Variants in HECW2 observed in about 807,000 individuals in gnomAD.
The protein encoded by HECW2 is HECT, C2 and WW domain containing E3 ubiquitin protein ligase 2, also known as E3 ubiquitin-protein ligase HECW2.
In HECW2, 61 loss-of-function variants were observed where a neutral mutation model predicts 175.2. That is an observed-to-expected ratio of 0.35 (90% CI 0.28 to 0.43). HECW2 has a LOEUF of 0.43. Ranked by LOEUF, HECW2 falls within the 20% of genes least tolerant of loss-of-function variation. HECW2 has a pLI of 1.00. For missense variants in HECW2, 1,524 were observed against 2,000.5 expected (o/e 0.76, Z 4.54); for synonymous variants, 671 against 731.0 (o/e 0.92, Z 1.32).
At chr2:196,272,976 T>C (rs1689796719) in intron 16 of HECW2, among the ~76,000 whole-genome samples, 1 of 151,960 alleles carries the variant, frequency 6.6e-6, no homozygotes, top group African/African-American at 2.4e-5. Context: ...GGGCATTACA[T>C]TGAATTTCAT....
At position 196,325,120 on chromosome 2, in the gene HECW2, T is replaced by A; in HGVS notation, c.601A>T (p.Met201Leu). The A allele has an allele frequency of 6.2e-7, 1 of 1,603,128 alleles. No individual in the cohort carries two copies. The highest frequency in any genetic ancestry group is 8.5e-7 in the Non-Finnish European group (1 of 1,175,910). ...AGATAAGGGTCAGGATTGAAGAACA[T>A]CCCTTTCTTTAGCCCAACTGCCCTA... ...DLRAVGLKKG[M>L]FFNPDPYLKM... The change falls in exon 6 of 29, where the codon ATG becomes TTG. Residue 201 changes from methionine to leucine, a missense_variant. Coordinates refer to ENST00000644978, the MANE Select transcript of HECW2 (RefSeq NM_001348768.2).
rs12476900 is a variant in HECW2 at position 196,353,956 on chromosome 2, C to T, written c.293-10192G>A. Among the ~76,000 whole-genome samples, 725 of 152,266 alleles carry T rather than the reference C, an allele frequency of 4.8e-3. 20 individuals are homozygous for T. Among genetic ancestry groups the T allele is most frequent in the Admixed American group, 0.042 (640 of 15,288 alleles). ...TTCACTGCTCAGTATAATTCTCCAA[C>T]CTCATCACCCTTCAATTGTCAGTAT... On this transcript the variant is annotated intron_variant, in intron 2 of 28. Coordinates refer to ENST00000644978, the MANE Select transcript of HECW2 (RefSeq NM_001348768.2).
chr2:196,379,223 T>G (rs1454833774), intron 2 of HECW2, among the ~76,000 whole-genome samples: 1 of 152,168 alleles, frequency 6.6e-6, no homozygotes, highest in African/African-American at 2.4e-5. Context: ...CTATTTTTAT[T>G]TACAGTTCAA....
chr2:196,452,349 G>A (rs10197069), intron 1 of HECW2, among the ~76,000 whole-genome samples: 20,191 of 152,090 alleles, frequency 0.13, 1,808 homozygotes, highest in African/African-American at 0.26. Flanking sequence ...AATTTCATCT[G>A]TTTTGAATTT....
chr2:196,450,214 C>T (rs1365984983), intron 1 of HECW2, among the ~76,000 whole-genome samples: 1 of 152,158 alleles, frequency 6.6e-6, no homozygotes, highest in Non-Finnish European at 1.5e-5. Context: ...ATGGATATGT[C>T]CCACTGTTTA....
chr2:196,439,866 G>C (rs766191329), intron 1 of HECW2, among the ~76,000 whole-genome samples: 1 of 152,172 alleles, frequency 6.6e-6, no homozygotes, highest in Non-Finnish European at 1.5e-5. Flanking sequence ...GATCAGTCAA[G>C]GAACCCAGCG....
intron 22 of HECW2, 102 bp downstream of exon 22, chr2:196,228,000 G>T: frequency 1.8e-6 from 2 of 1,105,204 alleles, no homozygotes; most frequent in Non-Finnish European, 2.5e-6. Flanking sequence ...ATATGACTTT[G>T]CCCAAGGGAA....
chr2:196,323,275 A>G (rs1462054597), intron 6 of HECW2, among the ~76,000 whole-genome samples: 11 of 152,224 alleles, frequency 7.2e-5, no homozygotes, highest in Non-Finnish European at 1.5e-4. Context: ...GGAAATTTGG[A>G]TCGGACATTA....
intron 2 of HECW2, among the ~76,000 whole-genome samples, chr2:196,392,475 A>G (rs1471361595): frequency 6.8e-6 from 1 of 147,954 alleles, no homozygotes; most frequent in Non-Finnish European, 1.5e-5. Context: ...AGTGTGGTAC[A>G]TTAAAAAATT....
At chr2:196,296,918 G>A (rs1205741125) in intron 13 of HECW2, among the ~76,000 whole-genome samples, 3 of 152,082 alleles carry the variant, frequency 2.0e-5, no homozygotes, top group Non-Finnish European at 4.4e-5. Flanking sequence ...TGTTCTCCTG[G>A]GGTTTAGTGG....
At position 196,308,158 on chromosome 2, in the gene HECW2, G is replaced by A. The variant is rs1428415788; in HGVS notation, c.2435-73C>T. On this transcript the variant is annotated intron_variant, in intron 10 of 28. Transcript: ENST00000644978. ...TGATTAATAGGGTTCATTAAGTTTG[G>A]CATGTGTTTTCTTTCTCTGACATGC... 1.1e-5 allele frequency: 13 copies of A among 1,207,418 alleles called. No individual in the cohort carries two copies. In the East Asian group the frequency reaches 3.4e-4, roughly 32 times the overall value. The allele number at this position is 1,207,418 out of a possible 1,614,324, so 74.8% of individuals were successfully genotyped here. A position where few individuals can be genotyped will look rare whatever the true frequency, so the allele number is the denominator to read the frequency against.
chr2:196,219,602 A>G (rs1422809746), intron 26 of HECW2, among the ~76,000 whole-genome samples: 1 of 152,232 alleles, frequency 6.6e-6, no homozygotes, highest in East Asian at 1.9e-4. Flanking sequence ...TGTTCTGACT[A>G]TGAATTACAA....
chr2:196,458,263 C>T (rs983006629), intron 1 of HECW2, among the ~76,000 whole-genome samples: 5 of 152,002 alleles, frequency 3.3e-5, no homozygotes, highest in African/African-American at 1.2e-4. Flanking sequence ...AGAGCAAAAC[C>T]CTGTCTCTAA....
chr2:196,243,164 T>C lies in HECW2; in HGVS notation c.3530-960A>G, dbSNP rs1055231111. ...AAAGAATAAATAATATTAATATTTATTGGATTCTTTTTTTTTTTTTGAGAC... is the reference window on the plus strand; with the variant it reads ...AAAGAATAAATAATATTAATATTTACTGGATTCTTTTTTTTTTTTTGAGAC... On this transcript the variant is annotated intron_variant, in intron 19 of 28. Coordinates refer to ENST00000644978, the MANE Select transcript of HECW2 (RefSeq NM_001348768.2). 2.5e-5 allele frequency among the ~76,000 whole-genome samples: 3 copies of C among 121,430 alleles called. No individual in the cohort carries two copies. In the Admixed American group the frequency reaches 3.2e-4, roughly 13 times the overall value. 79.7% of individuals were successfully genotyped at this position (121,430 alleles called of 152,430 possible). A position where few individuals can be genotyped will look rare whatever the true frequency, so the allele number is the denominator to read the frequency against.
chr2:196,391,730 C>T (rs1038096175), intron 2 of HECW2, among the ~76,000 whole-genome samples: 4 of 152,150 alleles, frequency 2.6e-5, no homozygotes, highest in African/African-American at 9.7e-5. Flanking sequence ...CTTAAAACAA[C>T]AGAAAGTTAC....
chr2:196,534,160 A>G (rs890776135), intron 1 of HECW2, among the ~76,000 whole-genome samples: 3 of 152,198 alleles, frequency 2.0e-5, no homozygotes, highest in Non-Finnish European at 4.4e-5. Context: ...TAATTTTAGC[A>G]TCCTTTACAA....
chr2:196,296,215 T>A (rs1690808833), intron 13 of HECW2, among the ~76,000 whole-genome samples: 1 of 152,200 alleles, frequency 6.6e-6, no homozygotes, highest in South Asian at 2.1e-4. Context: ...ATACTCCACT[T>A]CATATAGAAC....
intron 1 of HECW2, among the ~76,000 whole-genome samples, chr2:196,492,060 G>GTA: frequency 6.6e-6 from 1 of 152,136 alleles, no homozygotes; most frequent in East Asian, 1.9e-4. Context: ...TTTAAACATA[G>GTA]TATACACCAC....
intron 1 of HECW2, among the ~76,000 whole-genome samples, chr2:196,473,308 T>C (rs1697289438): frequency 6.6e-6 from 1 of 152,242 alleles, no homozygotes; most frequent in African/African-American, 2.4e-5. Flanking sequence ...ATAAAATCCT[T>C]TCAATTTCTA....
Sources: gnomAD v4.1 joint callset for allele counts (sites outside exome capture counted in the v4.1 genomes callset) on GRCh38, gnomAD v4.1.1 for gene constraint, MANE v1.5 for transcripts, NCBI Gene and HGNC (gene_info 2026-07-23, HGNC 2026-07-21) for gene names.